The following ANKMY1 variants were observed in gnomAD, a reference collection of about 807,000 sequenced individuals.
ANKMY1 encodes the protein ankyrin repeat and MYND domain containing 1, also known as ankyrin repeat and MYND domain-containing protein 1.
ANKMY1 carries 98 observed loss-of-function variants against 102.0 expected under a neutral mutation model. The observed-to-expected ratio is 0.96, with a 90% confidence interval of 0.82 to 1.14. ANKMY1 has a LOEUF of 1.14. ANKMY1 is among the 50% of genes most tolerant of loss of function. ANKMY1 has a pLI of 0.00. For synonymous variants in ANKMY1, 582 were observed against 559.9 expected, an observed-to-expected ratio of 1.04 and a Z score of -0.56; for missense variants, 1,330 against 1,347.6, an observed-to-expected ratio of 0.99 and a Z score of 0.20.
chr2:240,528,217 C>T (rs1289349979), intron 5 of ANKMY1, among the ~76,000 whole-genome samples: 2 of 151,902 alleles, frequency 1.3e-5, no homozygotes, highest in Middle Eastern at 3.4e-3. Context: ...ACCCAGGAGG[C>T]GGAGGTTGCA....
chr2:240,542,775 A>C (rs1014195248), intron 4 of ANKMY1, among the ~76,000 whole-genome samples: 24 of 149,550 alleles, frequency 1.6e-4, no homozygotes, highest in Non-Finnish European at 7.4e-5. Flanking sequence ...GAGTCTACCA[A>C]GTTGGTTTAT....
At chr2:240,542,995 AG>A (rs1423547591) in intron 4 of ANKMY1, among the ~76,000 whole-genome samples, 1 of 151,722 alleles carries the variant, frequency 6.6e-6, no homozygotes, top group Non-Finnish European at 1.5e-5. Flanking sequence ...GTATTAAATA[AG>A]TCCAAGCAGT....
chr2:240,498,664 G>C (rs2077621585), intron 15 of ANKMY1, among the ~76,000 whole-genome samples: 1 of 152,046 alleles, frequency 6.6e-6, no homozygotes, highest in Admixed American at 6.6e-5. Flanking sequence ...TTGGATGTGT[G>C]TCCCCTCCAA....
chr2:240,497,919 A>G (rs78557056), intron 15 of ANKMY1, among the ~76,000 whole-genome samples: 22,926 of 152,162 alleles, frequency 0.15, 1,740 homozygotes, highest in Non-Finnish European at 0.16. Context: ...GGCAGTAGAC[A>G]TGGGTCTTCG....
At chr2:240,478,367 G>C (rs1347408992), downstream of ANKMY1, among the ~76,000 whole-genome samples, 1 of 152,200 alleles carries the variant, frequency 6.6e-6, no homozygotes, top group African/African-American at 2.4e-5. Context: ...ATAGAATTAA[G>C]TGTACCATCA....
At chr2:240,530,939 A>G (rs2085216943) in intron 4 of ANKMY1, among the ~76,000 whole-genome samples, 1 of 135,090 alleles carries the variant, frequency 7.4e-6, no homozygotes, top group Non-Finnish European at 1.7e-5. Flanking sequence ...GAATAATAAA[A>G]TAAAGTAAAA....
chr2:240,495,239 C>T (rs2077097111), intron 15 of ANKMY1, among the ~76,000 whole-genome samples: 1 of 152,110 alleles, frequency 6.6e-6, no homozygotes, highest in South Asian at 2.1e-4. Context: ...ACTTAACAGA[C>T]CGGGAAAGGT....
Position 240,520,957 on chromosome 2 carries a change from CCA to C in ANKMY1, c.1833-426_1833-425del, listed in dbSNP as rs1371767084. Among the ~76,000 whole-genome samples, 6 of 151,896 alleles carry C rather than the reference CCA, an allele frequency of 4.0e-5. No individual in the cohort carries two copies. Among genetic ancestry groups the C allele is most frequent in the Admixed American group, 1.3e-4 (2 of 15,256 alleles). On this transcript the variant is annotated intron_variant, in intron 8 of 17. Coordinates refer to ENST00000401804, the MANE Select transcript of ANKMY1 (RefSeq NM_001282771.3). This position sits in a 1 kb window ranked among gnomAD's most constrained non-coding sequence, Gnocchi z 4.8. ...CACAACCACACAAACCACACACACA[CCA>C]CACACACCACTCACACCACAAAGAC...
chr2:240,480,930 G>A lies in ANKMY1; in HGVS notation c.3046+7C>T, dbSNP rs772836265. On this transcript the variant is annotated splice_region_variant and intron_variant, in intron 17 of 17. Coordinates refer to ENST00000401804, the MANE Select transcript of ANKMY1 (RefSeq NM_001282771.3). ...ACCCTTGCCTCCCAGCCTGAGGGCC[G>A]ACCTACCGATGGCCACCAGGTCCCC... 11 of 1,602,488 alleles carry A rather than the reference G, an allele frequency of 6.9e-6. No homozygotes were observed. The highest frequency in any genetic ancestry group is 1.7e-4 in the Middle Eastern group (1 of 5,904).
intron 13 of ANKMY1, among the ~76,000 whole-genome samples, chr2:240,502,776 AC>A (rs1247553298): frequency 6.0e-5 from 9 of 150,028 alleles, no homozygotes; most frequent in African/African-American, 2.2e-4. Context: ...CTGAACTATG[AC>A]ATCACTGCAT....
intron 15 of ANKMY1, among the ~76,000 whole-genome samples, chr2:240,489,456 C>CAAAAAAAAAAA (rs34868627): frequency 7.3e-6 from 1 of 137,484 alleles, no homozygotes; most frequent in Non-Finnish European, 1.6e-5. Flanking sequence ...GACTCTATCT[C>CAAAAAAAAAAA]AAAAAAAAAA....
intron 6 of ANKMY1, 98 bp downstream of exon 6, chr2:240,526,131 G>T: frequency 7.1e-7 from 1 of 1,408,398 alleles, no homozygotes; most frequent in Non-Finnish European, 1.0e-6. Context: ...ATGTACCTCA[G>T]CTCTGCTCCT....
chr2:240,557,857 AGC>A (rs1285721329), intron 1 of ANKMY1, 22 bp downstream of exon 1: 2 of 983,330 alleles, frequency 2.0e-6, no homozygotes, highest in African/African-American at 3.5e-5. Context: ...CCCGGCTCCC[AGC>A]GCTCCTGTCG....
rs1181179825 is a variant in ANKMY1, at chr2:240,499,570, C to T, written c.2806+388G>A. On this transcript the variant is annotated intron_variant, in intron 15 of 17. Transcript: ENST00000401804. This position sits in a 1 kb window ranked among gnomAD's most constrained non-coding sequence, Gnocchi z 4.2. ...CATGTAGGGGTGTGCAGGATGCACC[C>T]TGTAGGGAGGGGTGTGACCATGCAG... Among the ~76,000 whole-genome samples the T allele has an allele frequency of 6.6e-6, 1 of 151,866 alleles. No homozygotes were observed. The highest frequency in any genetic ancestry group is 2.4e-5 in the African/African-American group (1 of 41,294).
intron 4 of ANKMY1, among the ~76,000 whole-genome samples, chr2:240,531,063 C>T (rs1248943919): frequency 1.3e-5 from 2 of 151,576 alleles, no homozygotes; most frequent in South Asian, 2.1e-4. Flanking sequence ...ACATAAATAA[C>T]CCAATTAATA....
intron 2 of ANKMY1, 75 bp from the exon 3 acceptor site, chr2:240,555,130 C>T (rs2092152260): frequency 2.0e-6 from 3 of 1,471,772 alleles, no homozygotes; most frequent in East Asian, 2.3e-5. Context: ...GCACAACCCC[C>T]GAGCACAACC....
At position 240,529,282 on chromosome 2, in the gene ANKMY1, T is replaced by A. The variant is rs1175965439; in HGVS notation, c.708A>T (p.Gly236=). ...TATAGTCATAGAAAAAGGGATCCTGTCCCTCCTGCAGTCCCCACTCCGTTT... is the reference window on the plus strand; with the variant it reads ...TATAGTCATAGAAAAAGGGATCCTGACCCTCCTGCAGTCCCCACTCCGTTT... ...EEKTEWGLQE[G]QDPFFYDYKR... The change falls in exon 5 of 18, where the codon GGA becomes GGT. Residue 236 remains glycine (G), a synonymous_variant. Transcript: ENST00000401804. The surrounding 1 kb of genome is among the most constrained non-coding windows in gnomAD (Gnocchi z 4.2). 1 of 1,614,128 alleles carries A rather than the reference T, an allele frequency of 6.2e-7. No individual in the cohort carries two copies. Among genetic ancestry groups the A allele is most frequent in the African/African-American group, 1.3e-5 (1 of 75,016 alleles).
At chr2:240,553,331 C>T (rs1293876520) in intron 3 of ANKMY1, 2 of 442,838 alleles carry the variant, frequency 4.5e-6, no homozygotes, top group East Asian at 8.7e-5. Context: ...CATCCTGAGT[C>T]AGGAGAGCAC....
chr2:240,527,036 G>C, intron 5 of ANKMY1: 5 of 989,808 alleles, frequency 5.1e-6, no homozygotes, highest in Non-Finnish European at 6.0e-6. Flanking sequence ...TGGATGGATG[G>C]TTGGGTAGGT....
Sources: allele counts gnomAD v4.1 joint callset (sites outside exome capture counted in the v4.1 genomes callset), GRCh38; gene constraint gnomAD v4.1.1; non-coding constraint Gnocchi (gnomAD v3.1); transcripts MANE v1.5; gene names NCBI Gene and HGNC (gene_info 2026-07-23, HGNC 2026-07-21).